The following RTN3 variants were observed in gnomAD, a reference collection of about 807,000 sequenced individuals.
RTN3 encodes reticulon-3.
In RTN3, 49 loss-of-function variants were observed where a neutral mutation model predicts 77.8. The observed-to-expected ratio is 0.63, with a 90% CI of 0.50 to 0.80. The LOEUF (loss-of-function observed/expected upper bound fraction) is 0.80. Among genes scored for constraint, RTN3 ranks in the 30% least tolerant of loss-of-function variants. RTN3 has a pLI of 0.00. For synonymous variants in RTN3, 464 were observed against 446.9 expected (o/e 1.04, Z -0.48); for missense variants, 1,236 against 1,211.9 (o/e 1.02, Z -0.29).
In RTN3 at chr11:63,758,259, C is replaced by T. The variant is rs761727731; in HGVS notation, c.*58C>T. ...AAACACCATTTAATAGTTATAACGT[C>T]GTTACTTGTACTATGAAGGAAAATA... is the stretch of plus-strand genomic sequence containing the variant. On this transcript the variant is annotated 3_prime_UTR_variant, in exon 9 of 9. Transcript: ENST00000377819. 1 of 1,613,272 alleles carries T rather than the reference C, an allele frequency of 6.2e-7. No individual in the cohort carries two copies. The highest frequency in any genetic ancestry group is 1.3e-5 in the African/African-American group (1 of 74,882).
At chr11:63,757,699 TTTG>T (rs934854890) in intron 8 of RTN3, among the ~76,000 whole-genome samples, 4 of 150,152 alleles carry the variant, frequency 2.7e-5, no homozygotes, top group African/African-American at 9.7e-5. Context: ...ACGCTTTGAA[TTTG>T]TTAACATTTT....
At chr11:63,698,346 A>G (rs1942069753) in intron 1 of RTN3, among the ~76,000 whole-genome samples, 2 of 152,036 alleles carry the variant, frequency 1.3e-5, no homozygotes, top group East Asian at 3.9e-4. Flanking sequence ...GGCTGGTCTC[A>G]AACTGCTGAG....
At chr11:63,736,468 A>G (rs1229846879) in intron 3 of RTN3, among the ~76,000 whole-genome samples, 1 of 152,194 alleles carries the variant, frequency 6.6e-6, no homozygotes, top group Admixed American at 6.5e-5. Flanking sequence ...CAGGTGGATC[A>G]CCTGAGGTAG....
chr11:63,713,968 C>T, intron 2 of RTN3: 1 of 516,312 alleles, frequency 1.9e-6, no homozygotes, highest in South Asian at 1.4e-5. Context: ...GTCCTTTTGC[C>T]AGGTACTGAC....
chr11:63,753,729 A>C (rs976219856), intron 7 of RTN3, 21 bp downstream of exon 7: 3 of 1,607,218 alleles, frequency 1.9e-6, no homozygotes, highest in African/African-American at 2.7e-5. Flanking sequence ...ATCTGTTCCA[A>C]ATCAAATGTG....
chr11:63,723,377 T>C (rs1426131625), intron 3 of RTN3, among the ~76,000 whole-genome samples: 1 of 151,942 alleles, frequency 6.6e-6, no homozygotes, highest in Non-Finnish European at 1.5e-5. Context: ...CATAAACCAT[T>C]TCAGTAAAAT....
chr11:63,711,350 T>C (rs936703915), intron 2 of RTN3, among the ~76,000 whole-genome samples: 41 of 151,940 alleles, frequency 2.7e-4, no homozygotes, highest in Non-Finnish European at 1.5e-5. Flanking sequence ...TAAGTTCTCT[T>C]GTGGGGTTTT....
chr11:63,681,551 G>T lies in RTN3; in HGVS notation c.-86G>T, dbSNP rs1013598462. The T allele has an allele frequency of 8.8e-6, 12 of 1,367,942 alleles. No homozygotes were observed. The highest frequency in any genetic ancestry group is 1.5e-5 in the African/African-American group (1 of 67,090). The allele number at this position is 1,367,942 out of a possible 1,614,324, so 84.7% of individuals were successfully genotyped here. ...AGGCGGAGTAAAGGGACTTGAGCGA[G>T]CCAGTTGCCGGATTATTCTATTTCC... is the stretch of plus-strand genomic sequence containing the variant. On this transcript the variant is annotated 5_prime_UTR_variant, in exon 1 of 9. Coordinates refer to ENST00000377819, the MANE Select transcript of RTN3 (RefSeq NM_001265589.2).
chr11:63,697,551 C>T (rs1942027898), intron 1 of RTN3, among the ~76,000 whole-genome samples: 1 of 152,066 alleles, frequency 6.6e-6, no homozygotes. Context: ...TACTGGCTCA[C>T]TGCAACCTCT....
intron 8 of RTN3, among the ~76,000 whole-genome samples, chr11:63,757,076 C>T (rs780940683): frequency 5.3e-5 from 8 of 152,170 alleles, no homozygotes; most frequent in Non-Finnish European, 1.0e-4. Context: ...GTTGCTTCCC[C>T]ACCTTCATTT....
rs772966959 is a variant in RTN3 at position 63,704,896 on chromosome 11, C to T, written c.188C>T (p.Ser63Leu). 23 of 1,611,096 alleles carry T rather than the reference C, an allele frequency of 1.4e-5. No homozygotes were observed. The highest frequency in any genetic ancestry group is 1.1e-4 in the South Asian group (10 of 91,024). Residue 63 changes from serine (S) to leucine (L), a missense_variant, in exon 2 of 9, where the codon TCG becomes TTG. This residue lies in a region of RTN3 where 1,056 missense variants were observed against 990.4 expected (regional missense o/e 1.07). Coordinates refer to ENST00000377819, the MANE Select transcript of RTN3 (RefSeq NM_001265589.2). ...TCCTCTCAGCCTGTATCTCTATTTT[C>T]GACCTCACAAGGCAAGTCTGTAATT... ...SSSSQPVSLF[S>L]TSQEGLSSLC...
intron 3 of RTN3, among the ~76,000 whole-genome samples, chr11:63,748,501 A>G (rs2013923506): frequency 6.6e-6 from 1 of 151,100 alleles, no homozygotes; most frequent in South Asian, 2.1e-4. Flanking sequence ...AGTGTGCACC[A>G]CCATGCCCAG....
chr11:63,752,402 T>G, intron 4 of RTN3, 105 bp from the exon 5 acceptor site: 1 of 1,079,526 alleles, frequency 9.3e-7, no homozygotes, highest in Admixed American at 2.0e-5. Context: ...CTCCTACAGG[T>G]TCTAACATGC....
chr11:63,681,842 GA>G, intron 1 of RTN3, 64 bp downstream of exon 1: 1 of 1,440,800 alleles, frequency 6.9e-7, no homozygotes, highest in Non-Finnish European at 9.1e-7. Context: ...GGGCTGGGGG[GA>G]TTAGGAGGCG....
At chr11:63,705,396 C>T (rs1330029867) in intron 2 of RTN3, among the ~76,000 whole-genome samples, 3 of 152,172 alleles carry the variant, frequency 2.0e-5, no homozygotes, top group Non-Finnish European at 2.9e-5. Context: ...GGGAGGATTG[C>T]TTGAGCCCAG....
In RTN3 at chr11:63,681,705, C is replaced by T. The variant is rs550004352; in HGVS notation, c.69C>T (p.Ser23=). The T allele has an allele frequency of 3.1e-6, 5 of 1,610,762 alleles. No homozygotes were observed. The African/African-American group carries it at 5.3e-5, about 17-fold the overall frequency. ...ISSSSFGAEP[S]APGGGGSPGA... ...CGTCGTCCTTCGGAGCCGAGCCGTC[C>T]GCGCCCGGCGGCGGCGGGAGCCCAG... is the stretch of plus-strand genomic sequence containing the variant. The change falls in exon 1 of 9, where the codon TCC becomes TCT. Residue 23 remains serine, a synonymous_variant. Transcript: ENST00000377819.
intron 3 of RTN3, among the ~76,000 whole-genome samples, chr11:63,722,710 A>C (rs1358943044): frequency 6.6e-6 from 1 of 152,214 alleles, no homozygotes; most frequent in East Asian, 1.9e-4. Context: ...ACTAGGTTCT[A>C]ATTCTTGCTG....
At chr11:63,690,077 C>A (rs1412160976) in intron 1 of RTN3, among the ~76,000 whole-genome samples, 1 of 152,082 alleles carries the variant, frequency 6.6e-6, no homozygotes, top group African/African-American at 2.4e-5. Flanking sequence ...ACTATTCTTA[C>A]CTGTTTTCTC....
At chr11:63,758,008 C>T (rs1183566351) in intron 8 of RTN3, 148 bp from the exon 9 acceptor site, 5 of 619,606 alleles carry the variant, frequency 8.1e-6, no homozygotes, top group Middle Eastern at 4.2e-4. Context: ...GGATTACACG[C>T]GTGAGCCACC....
Sources: allele counts gnomAD v4.1 joint callset (sites outside exome capture counted in the v4.1 genomes callset), GRCh38; gene constraint gnomAD v4.1.1; regional missense constraint gnomAD v4.1.1; transcripts MANE v1.5; gene names NCBI Gene and HGNC (gene_info 2026-07-23, HGNC 2026-07-21).